Variants in STPG2 observed in about 807,000 individuals in gnomAD.
STPG2 encodes the protein sperm tail PG-rich repeat containing 2, also known as sperm-tail PG-rich repeat-containing protein 2.
A neutral mutation model predicts 54.2 loss-of-function variants in STPG2; 56 were observed. That is an observed-to-expected ratio of 1.03 (90% confidence interval 0.83 to 1.29). The LOEUF is 1.29. STPG2 is among the 50% of genes most tolerant of loss of function. The pLI is 0.00. For synonymous variants in STPG2, 200 were observed against 181.8 expected (o/e 1.10, Z -0.81); for missense variants, 596 against 544.9 (o/e 1.09, Z -0.93).
chr4:97,526,954 A>G (rs750052858), intron 4 of STPG2, among the ~76,000 whole-genome samples: 1 of 151,732 alleles, frequency 6.6e-6, no homozygotes, highest in Non-Finnish European at 1.5e-5. Context: ...ATTGCTTGTC[A>G]GAGTGCTGAT....
chr4:98,072,563 G>A (rs1738035514), intron 5 of STPG2, among the ~76,000 whole-genome samples: 1 of 104,734 alleles, frequency 9.5e-6, no homozygotes, highest in African/African-American at 4.4e-5. Flanking sequence ...AAAAGTTGAA[G>A]GGAAAATAAT....
chr4:98,094,903 T>C (rs6817645), intron 5 of STPG2, among the ~76,000 whole-genome samples: 60,167 of 152,008 alleles, frequency 0.4, 12,147 homozygotes, highest in Middle Eastern at 0.46. Flanking sequence ...AAGTATATAG[T>C]TGTTTATGCT....
Position 97,559,065 on chromosome 4 carries a change from A to G in STPG2, c.1373T>C (p.Ile458Thr), listed in dbSNP as rs768127331. The G allele has an allele frequency of 1.2e-6, 2 of 1,603,946 alleles. No homozygotes were observed. Among genetic ancestry groups the G allele is most frequent in the Non-Finnish European group, 1.7e-6 (2 of 1,176,110 alleles). The stretch of plus-strand genomic sequence containing the variant: ...TTTTGCCATAAATTTATGTCACATT[A>G]TATCAGCAGCCATTTCACCAATGAG... ...GNLIGEMAADIM is the reference protein window; with the variant it reads ...GNLIGEMAADTM Residue 458 changes from isoleucine (I) to threonine (T), a missense_variant, in exon 11 of 11, where the codon ATA becomes ACA. Physicochemically the swap from Ile to Thr is moderately conservative, Grantham distance 89. Coordinates refer to ENST00000295268, the MANE Select transcript of STPG2 (RefSeq NM_174952.3).
At chr4:97,915,029 T>A (rs1404361553) in intron 8 of STPG2, among the ~76,000 whole-genome samples, 1 of 152,236 alleles carries the variant, frequency 6.6e-6, no homozygotes, top group Non-Finnish European at 1.5e-5. Flanking sequence ...ATTATGTGTA[T>A]ACCACAATTT....
chr4:98,123,977 T>C (rs1739758897), intron 3 of STPG2, among the ~76,000 whole-genome samples: 1 of 152,184 alleles, frequency 6.6e-6, no homozygotes, highest in African/African-American at 2.4e-5. Flanking sequence ...TTAAAGTCTG[T>C]TTTGTCAGAA....
At chr4:97,933,024 C>T (rs1732608954) in intron 8 of STPG2, among the ~76,000 whole-genome samples, 1 of 152,150 alleles carries the variant, frequency 6.6e-6, no homozygotes, top group African/African-American at 2.4e-5. Flanking sequence ...GTCTTGCCAG[C>T]ATCTGTTGTT....
intron 4 of STPG2, among the ~76,000 whole-genome samples, chr4:97,460,561 T>G (rs996374681): frequency 1.3e-5 from 2 of 152,184 alleles, no homozygotes; most frequent in Admixed American, 1.3e-4. Context: ...CTATTAGGCA[T>G]GTTTAACCTT....
At chr4:98,116,835 T>C (rs9994346) in intron 3 of STPG2, among the ~76,000 whole-genome samples, 59,895 of 151,576 alleles carry the variant, frequency 0.4, 12,074 homozygotes, top group Middle Eastern at 0.46. Flanking sequence ...TCCTTACTTT[T>C]CATGTTACCA....
At chr4:98,052,674 G>C (rs1737360021) in intron 5 of STPG2, among the ~76,000 whole-genome samples, 1 of 152,050 alleles carries the variant, frequency 6.6e-6, no homozygotes, top group Non-Finnish European at 1.5e-5. Flanking sequence ...CAGTAATTAG[G>C]ATAATTAACA....
chr4:97,986,513 C>G (rs941918694), intron 5 of STPG2, among the ~76,000 whole-genome samples: 5 of 152,126 alleles, frequency 3.3e-5, no homozygotes, highest in African/African-American at 1.2e-4. Context: ...CCTTCAGAAC[C>G]TTTTCAGAAA....
At chr4:97,869,158 ACT>A (rs1288305253) in intron 8 of STPG2, among the ~76,000 whole-genome samples, 1 of 151,656 alleles carries the variant, frequency 6.6e-6, no homozygotes, top group Non-Finnish European at 1.5e-5. Context: ...AGTCCTCAAT[ACT>A]CTCAGTTGAT....
At chr4:97,638,648 GA>G (rs1304480127) in intron 10 of STPG2, among the ~76,000 whole-genome samples, 6 of 140,538 alleles carry the variant, frequency 4.3e-5, no homozygotes, top group African/African-American at 1.7e-4. Context: ...AAATTTACAA[GA>G]AAAAAACAAA....
At chr4:97,882,008 G>C (rs1730392463) in intron 8 of STPG2, among the ~76,000 whole-genome samples, 2 of 152,018 alleles carry the variant, frequency 1.3e-5, no homozygotes, top group South Asian at 4.1e-4. Flanking sequence ...TTTAATGAAA[G>C]GCAGGTGCCC....
intron 8 of STPG2, among the ~76,000 whole-genome samples, chr4:97,862,959 A>T (rs1298821367): frequency 4.6e-5 from 7 of 152,198 alleles, no homozygotes; most frequent in Non-Finnish European, 1.5e-5. Context: ...GTGTAGAGGG[A>T]AATTTATAGC....
rs904210554 is a variant in STPG2 at position 97,743,386 on chromosome 4, C to A, written c.1205-30572G>T. ...TTTTAGGGAAATGTTTACATTTTGA[C>A]CATTCTTTCACTTACATAGACTTAT... On this transcript the variant is annotated intron_variant, in intron 9 of 10. Transcript: ENST00000295268. 8.6e-5 allele frequency among the ~76,000 whole-genome samples: 13 copies of A among 151,642 alleles called. No individual in the cohort carries two copies. In the South Asian group the frequency reaches 1.4e-3, roughly 17 times the overall value.
chr4:97,674,635 T>G lies in STPG2; in HGVS notation c.1320+38064A>C, dbSNP rs1169129397. On this transcript the variant is annotated intron_variant, in intron 10 of 10. Coordinates refer to ENST00000295268, the MANE Select transcript of STPG2 (RefSeq NM_174952.3). ...GAATGCATGAACTCTCAAATTTCCC[T>G]AGATTCAAACAATCAATCCTTTCAA... Among the ~76,000 whole-genome samples the G allele has an allele frequency of 2.0e-5, 3 of 152,344 alleles. No individual in the cohort carries two copies. The East Asian group carries it at 5.8e-4, about 29-fold the overall frequency.
intron 10 of STPG2, among the ~76,000 whole-genome samples, chr4:97,602,722 A>G (rs375047393): frequency 6.6e-6 from 1 of 151,722 alleles, no homozygotes; most frequent in East Asian, 1.9e-4. Context: ...CTTCTAACAT[A>G]TTAATGCACA....
At chr4:97,500,233 G>A (rs956109403) in intron 4 of STPG2, among the ~76,000 whole-genome samples, 4 of 152,026 alleles carry the variant, frequency 2.6e-5, no homozygotes, top group Admixed American at 6.6e-5. Context: ...CTGATTAGAT[G>A]AGGGTGTAAA....
intron 9 of STPG2, among the ~76,000 whole-genome samples, chr4:97,807,764 A>C (rs1727616175): frequency 6.6e-6 from 1 of 151,984 alleles, no homozygotes; most frequent in Admixed American, 6.6e-5. Context: ...AAAAATAAAG[A>C]ATACATCAAG....
Sources: allele counts gnomAD v4.1 joint callset (sites outside exome capture counted in the v4.1 genomes callset), GRCh38; gene constraint gnomAD v4.1.1; transcripts MANE v1.5; gene names NCBI Gene and HGNC (gene_info 2026-07-23, HGNC 2026-07-21).